Variants in UBE2W observed in about 807,000 individuals in gnomAD.
UBE2W encodes the protein ubiquitin conjugating enzyme E2 W.
Under a neutral mutation model 27.2 loss-of-function variants are expected in UBE2W, and 18 were observed. The ratio of observed to expected loss-of-function variants is 0.66; its 90% CI spans 0.46 to 0.98. The LOEUF (loss-of-function observed/expected upper bound fraction) is 0.98. Among genes scored for constraint, UBE2W ranks in the 50% least tolerant of loss-of-function variants. The probability of loss-of-function intolerance (pLI) is 0.00; values close to 1 mark genes in which losing one functional copy is unlikely to be tolerated. For missense variants in UBE2W, 90 were observed against 180.2 expected (o/e 0.50, Z 2.87); for synonymous variants, 53 against 57.2 (o/e 0.93, Z 0.33).
intron 3 of UBE2W, among the ~76,000 whole-genome samples, chr8:73,824,919 C>T (rs775289819): frequency 6.6e-6 from 1 of 152,142 alleles, no homozygotes; most frequent in African/African-American, 2.4e-5. Context: ...TTTCTGTTAG[C>T]ATTTATGGAT....
intron 1 of UBE2W, among the ~76,000 whole-genome samples, chr8:73,835,381 G>T (rs1810263846): frequency 6.6e-6 from 1 of 152,094 alleles, no homozygotes; most frequent in African/African-American, 2.4e-5. Flanking sequence ...CCTCAGAGCT[G>T]ATCTGTGTGA....
chr8:73,784,216 G>T (rs1026326609), downstream of UBE2W, among the ~76,000 whole-genome samples: 1 of 151,958 alleles, frequency 6.6e-6, no homozygotes, highest in Admixed American at 6.6e-5. Flanking sequence ...ATTCTTTCTT[G>T]GACTCCATGT....
chr8:73,803,553 A>G (rs1033901823), intron 5 of UBE2W, among the ~76,000 whole-genome samples: 16 of 151,880 alleles, frequency 1.1e-4, no homozygotes, highest in African/African-American at 3.6e-4. Context: ...TCAAACACCT[A>G]TCTCCCTTCC....
At position 73,787,315 on chromosome 8, in the gene UBE2W, A is replaced by ACAT; in HGVS notation, c.*6786_*6787insATG. ...TTGTTACGTGTTATGTTAGTGTGAA[A>ACAT]ATGAGTAAGAAATATAGGGAGGACA... is the stretch of plus-strand genomic sequence containing the variant. On this transcript the variant is annotated 3_prime_UTR_variant, in exon 6 of 6. Transcript: ENST00000602593. The ACAT allele has an allele frequency of 4.1e-6, 4 of 985,420 alleles. No individual in the cohort carries two copies. The highest frequency in any genetic ancestry group is 4.8e-6 in the Non-Finnish European group (4 of 829,926). The allele number at this position is 985,420 out of a possible 1,614,324, so 61.0% of individuals were successfully genotyped here.
At chr8:73,837,537 G>T (rs1473522208) in intron 1 of UBE2W, among the ~76,000 whole-genome samples, 2 of 151,960 alleles carry the variant, frequency 1.3e-5, no homozygotes, top group East Asian at 3.8e-4. Context: ...TTATGAAGTG[G>T]TATTAAAGAG....
intron 4 of UBE2W, 56 bp from the exon 5 acceptor site, chr8:73,805,782 A>G: frequency 9.6e-7 from 1 of 1,040,132 alleles, no homozygotes; most frequent in South Asian, 1.9e-5. Flanking sequence ...AGAGGGTGAC[A>G]GTTTTAATAA....
At chr8:73,828,891 GCTT>G (rs1207432829) in intron 2 of UBE2W, among the ~76,000 whole-genome samples, 1 of 151,938 alleles carries the variant, frequency 6.6e-6, no homozygotes, top group Non-Finnish European at 1.5e-5. Flanking sequence ...CCATCAGAAA[GCTT>G]CTTAATGTGC....
At chr8:73,803,532 T>C (rs1469207259) in intron 5 of UBE2W, among the ~76,000 whole-genome samples, 2 of 152,104 alleles carry the variant, frequency 1.3e-5, no homozygotes, top group Non-Finnish European at 2.9e-5. Flanking sequence ...ACTATTTTTT[T>C]CCCAAACTTT....
In UBE2W at chr8:73,789,235, C is replaced by T; in HGVS notation, c.*4867G>A. 4 of 952,568 alleles carry T rather than the reference C, an allele frequency of 4.2e-6. No individual in the cohort carries two copies. Among genetic ancestry groups the T allele is most frequent in the Non-Finnish European group, 2.5e-6 (2 of 816,204 alleles). 59.0% of individuals were successfully genotyped at this position (952,568 alleles called of 1,614,324 possible). A position where few individuals can be genotyped will look rare whatever the true frequency, so the allele number is the denominator to read the frequency against. The stretch of plus-strand genomic sequence containing the variant: ...CCTGTAATCCCAGCATTTTGGGAGG[C>T]TGAGGCAGGAGGAATGCTTGAGCCC... On this transcript the variant is annotated 3_prime_UTR_variant, in exon 6 of 6. Coordinates refer to ENST00000602593, the MANE Select transcript of UBE2W (RefSeq NM_018299.6).
intron 5 of UBE2W, among the ~76,000 whole-genome samples, chr8:73,798,221 C>A (rs552787097): frequency 6.6e-6 from 1 of 151,952 alleles, no homozygotes; most frequent in Admixed American, 6.6e-5. Flanking sequence ...CACCTGAGCC[C>A]GGGAAGTTGA....
chr8:73,828,856 A>C (rs1809959300), intron 2 of UBE2W, among the ~76,000 whole-genome samples: 1 of 152,090 alleles, frequency 6.6e-6, no homozygotes. Flanking sequence ...CAAATACTAG[A>C]TCTTCTTCAT....
chr8:73,846,560 T>C (rs1287217308), intron 1 of UBE2W, among the ~76,000 whole-genome samples: 2 of 152,232 alleles, frequency 1.3e-5, no homozygotes, highest in African/African-American at 2.4e-5. Context: ...TTAGGAATAC[T>C]GCAATCTAAT....
chr8:73,847,074 CAGG>C (rs201921099), intron 1 of UBE2W, among the ~76,000 whole-genome samples: 3,677 of 152,214 alleles, frequency 0.024, 152 homozygotes, highest in African/African-American at 0.084. Flanking sequence ...GAGGCTGAGG[CAGG>C]AGAATTGCTC....
At chr8:73,797,157 T>C (rs1177021510) in intron 5 of UBE2W, among the ~76,000 whole-genome samples, 2 of 152,180 alleles carry the variant, frequency 1.3e-5, no homozygotes, top group African/African-American at 4.8e-5. Flanking sequence ...TCACTGGGCT[T>C]CTGAGAAATG....
chr8:73,872,734 T>C lies in UBE2W; in HGVS notation c.15+6074A>G, dbSNP rs186813507. Among the ~76,000 whole-genome samples, 4 of 152,296 alleles carry C rather than the reference T, an allele frequency of 2.6e-5. No homozygotes were observed. The East Asian group carries it at 7.7e-4, about 29-fold the overall frequency. The stretch of plus-strand genomic sequence containing the variant: ...AAGAATTAAGCATTTACTAAACTAC[T>C]TTATAGTTTTTATAGCTAAAGAAAA... On this transcript the variant is annotated intron_variant, in intron 1 of 5. Transcript: ENST00000602593.
At chr8:73,847,841 G>C (rs996811110) in intron 1 of UBE2W, among the ~76,000 whole-genome samples, 2 of 151,896 alleles carry the variant, frequency 1.3e-5, no homozygotes, top group Admixed American at 1.3e-4. Flanking sequence ...GGTAGAGGTT[G>C]CCATGAGCCA....
rs1170799834 is a variant in UBE2W at position 73,788,368 on chromosome 8, T to A, written c.*5734A>T. Reference sequence around the variant, plus strand: ...TGAGCTTTCATTCCTATTAATAAAATGCACACTCTGTAGTTCTGAATAATA... The same window carrying A: ...TGAGCTTTCATTCCTATTAATAAAAAGCACACTCTGTAGTTCTGAATAATA... On this transcript the variant is annotated 3_prime_UTR_variant, in exon 6 of 6. Coordinates refer to ENST00000602593, the MANE Select transcript of UBE2W (RefSeq NM_018299.6). The A allele has an allele frequency of 4.1e-6, 4 of 985,432 alleles. No individual in the cohort carries two copies. Among genetic ancestry groups the A allele is most frequent in the Non-Finnish European group, 4.8e-6 (4 of 829,920 alleles). 61.0% of individuals were successfully genotyped at this position (985,432 alleles called of 1,614,324 possible). A position where few individuals can be genotyped will look rare whatever the true frequency, so the allele number is the denominator to read the frequency against.
intron 4 of UBE2W, 48 bp downstream of exon 4, chr8:73,810,426 C>T (rs919795392): frequency 8.6e-6 from 13 of 1,516,126 alleles, no homozygotes; most frequent in Admixed American, 4.1e-5. Flanking sequence ...ATTTATCTAC[C>T]TAACTGAAAG....
chr8:73,876,749 A>G (rs1812241731), intron 1 of UBE2W, among the ~76,000 whole-genome samples: 1 of 152,156 alleles, frequency 6.6e-6, no homozygotes, highest in Non-Finnish European at 1.5e-5. Context: ...CAGGCGGATC[A>G]CCTGAGTTCG....
Sources: allele counts gnomAD v4.1 joint callset (sites outside exome capture counted in the v4.1 genomes callset), GRCh38; gene constraint gnomAD v4.1.1; transcripts MANE v1.5; gene names NCBI Gene and HGNC (gene_info 2026-07-23, HGNC 2026-07-21).